TLE4: variants seen among roughly 807,000 people sequenced by gnomAD.
TLE4 encodes transducin-like enhancer protein 4.
A neutral mutation model predicts 92.8 loss-of-function variants in TLE4; 8 were observed. That is an observed-to-expected ratio of 0.09 (90% CI 0.05 to 0.16). The LOEUF (loss-of-function observed/expected upper bound fraction) is 0.16, where lower values mean the gene tolerates loss of function less well. Ranked by LOEUF, TLE4 falls within the 10% of genes least tolerant of loss-of-function variation. TLE4 has a pLI of 1.00. For missense variants in TLE4, 675 were observed against 997.6 expected (o/e 0.68, Z 4.36); for synonymous variants, 371 against 374.1 (o/e 0.99, Z 0.10).
intron 4 of TLE4, among the ~76,000 whole-genome samples, chr9:79,595,372 T>C (rs2043689893): frequency 6.6e-6 from 1 of 152,232 alleles, no homozygotes; most frequent in Non-Finnish European, 1.5e-5. Context: ...TACTTGTTAC[T>C]TGTGCAAAAA....
chr9:79,646,747 T>G (rs1448047165), intron 6 of TLE4, among the ~76,000 whole-genome samples: 1 of 152,160 alleles, frequency 6.6e-6, no homozygotes, highest in Non-Finnish European at 1.5e-5. Context: ...ACTGTAATAT[T>G]TTAATATCTC....
In TLE4 at chr9:79,572,290, C is replaced by T. The variant is rs903088760; in HGVS notation, c.-501C>T. ...AAACCAAAAAGCACCGCCGAGACCTCTTCCGAACCAAAGGAGTTTGTGTTT... is the reference window on the plus strand; with the variant it reads ...AAACCAAAAAGCACCGCCGAGACCTTTTCCGAACCAAAGGAGTTTGTGTTT... On this transcript the variant is annotated 5_prime_UTR_variant, in exon 1 of 20. Coordinates refer to ENST00000376552, the MANE Select transcript of TLE4 (RefSeq NM_007005.6). 6.6e-6 allele frequency: 1 copy of T among 152,316 alleles called. No individual in the cohort carries two copies. Among genetic ancestry groups the T allele is most frequent in the African/African-American group, 2.4e-5 (1 of 41,578 alleles). 9.4% of individuals were successfully genotyped at this position (152,316 alleles called of 1,614,324 possible).
chr9:79,610,835 C>A (rs76032197), intron 4 of TLE4, among the ~76,000 whole-genome samples: 1,689 of 152,034 alleles, frequency 0.011, 39 homozygotes, highest in African/African-American at 0.038. Flanking sequence ...TCCTTAGAGT[C>A]GTTTTTATTG....
At chr9:79,715,328 C>T (rs764285700) in intron 14 of TLE4, among the ~76,000 whole-genome samples, 1 of 152,146 alleles carries the variant, frequency 6.6e-6, no homozygotes, top group African/African-American at 2.4e-5. Context: ...GTCTTCATGA[C>T]CTCCTAATTG....
At chr9:79,694,073 C>T (rs56656531) in intron 8 of TLE4, among the ~76,000 whole-genome samples, 15,957 of 152,152 alleles carry the variant, frequency 0.1, 935 homozygotes, top group African/African-American at 0.14. Flanking sequence ...ACAGTGCCAC[C>T]AGCAAGACAG....
chr9:79,573,632 G>C (rs1233350502), intron 1 of TLE4, 57 bp from the exon 2 acceptor site: 2 of 1,419,870 alleles, frequency 1.4e-6, no homozygotes, highest in East Asian at 4.9e-5. Flanking sequence ...GGTTTTCTCC[G>C]TCTCCCTGCT....
intron 8 of TLE4, among the ~76,000 whole-genome samples, chr9:79,696,625 C>G (rs1160573949): frequency 6.6e-6 from 1 of 151,882 alleles, no homozygotes; most frequent in Non-Finnish European, 1.5e-5. Flanking sequence ...AAAGTTTAGC[C>G]TTTCAAATAG....
intron 6 of TLE4, among the ~76,000 whole-genome samples, chr9:79,650,793 A>C (rs963058422): frequency 6.6e-6 from 1 of 152,022 alleles, no homozygotes; most frequent in African/African-American, 2.4e-5. Context: ...TGCTTTTCAA[A>C]GTGTTCATAC....
chr9:79,572,667 ACCG>A lies in TLE4; in HGVS notation c.-121_-119del. 2.3e-6 allele frequency: 2 copies of A among 858,320 alleles called. No individual in the cohort carries two copies. The highest frequency in any genetic ancestry group is 3.5e-6 in the Non-Finnish European group (2 of 577,830). The allele number at this position is 858,320 out of a possible 1,614,324, so 53.2% of individuals were successfully genotyped here. ...CACGCGAGACCCGGCGGGGGCCGGG[ACCG>A]CCCGAGCCGCCCCTCAGACCGAGCC... On this transcript the variant is annotated 5_prime_UTR_variant, in exon 1 of 20. Coordinates refer to ENST00000376552, the MANE Select transcript of TLE4 (RefSeq NM_007005.6).
chr9:79,604,855 A>G (rs1292923614), intron 4 of TLE4, among the ~76,000 whole-genome samples: 1 of 152,192 alleles, frequency 6.6e-6, no homozygotes, highest in Non-Finnish European at 1.5e-5. Flanking sequence ...GTTGGGAAAA[A>G]TCAAGATGAA....
intron 4 of TLE4, among the ~76,000 whole-genome samples, chr9:79,597,657 A>G (rs2044362743): frequency 6.6e-6 from 1 of 152,104 alleles, no homozygotes; most frequent in South Asian, 2.1e-4. Flanking sequence ...CCAGAAACCC[A>G]TAGAGGCAGC....
In TLE4 at chr9:79,585,757, A is replaced by G. The variant is rs142606646; in HGVS notation, c.252+9580A>G. On this transcript the variant is annotated intron_variant, in intron 4 of 19. Coordinates refer to ENST00000376552, the MANE Select transcript of TLE4 (RefSeq NM_007005.6). ...CCAATGTGCCTAGGAGTAGAAATGTATATTTATATACTATTAATACTTTAT... is the reference window on the plus strand; with the variant it reads ...CCAATGTGCCTAGGAGTAGAAATGTGTATTTATATACTATTAATACTTTAT... Among the ~76,000 whole-genome samples, 530 of 152,148 alleles carry G rather than the reference A, an allele frequency of 3.5e-3. 5 individuals carry two copies. Among genetic ancestry groups the G allele is most frequent in the African/African-American group, 0.012 (488 of 41,492 alleles).
chr9:79,619,487 C>T (rs1331219811), intron 5 of TLE4, among the ~76,000 whole-genome samples: 16 of 152,314 alleles, frequency 1.1e-4, no homozygotes, highest in Admixed American at 2.0e-4. Context: ...GAAGTGTTAT[C>T]GCCTTACAGT....
intron 4 of TLE4, among the ~76,000 whole-genome samples, chr9:79,599,579 A>G (rs147933848): frequency 3.3e-5 from 5 of 152,306 alleles, no homozygotes; most frequent in African/African-American, 1.2e-4. Context: ...TTGAGTAGTA[A>G]TTGCTTTTAA....
At chr9:79,657,925 C>A (rs1019463208) in intron 8 of TLE4, among the ~76,000 whole-genome samples, 14 of 152,176 alleles carry the variant, frequency 9.2e-5, no homozygotes. Context: ...CCTGGTTCTC[C>A]TGTGTTTTAT....
intron 14 of TLE4, among the ~76,000 whole-genome samples, chr9:79,716,980 CCTTT>C (rs1205914824): frequency 1.3e-5 from 2 of 152,168 alleles, no homozygotes; most frequent in African/African-American, 2.4e-5. Context: ...ATCTTCTCCC[CCTTT>C]CTATTTTATT....
intron 8 of TLE4, among the ~76,000 whole-genome samples, chr9:79,678,707 G>A (rs2063779897): frequency 6.6e-6 from 1 of 151,664 alleles, no homozygotes; most frequent in Admixed American, 6.6e-5. Context: ...GTGCCTGTTG[G>A]TGTACTGCAT....
chr9:79,719,382 T>C (rs2075189991), intron 15 of TLE4, among the ~76,000 whole-genome samples: 1 of 151,334 alleles, frequency 6.6e-6, no homozygotes, highest in African/African-American at 2.4e-5. Flanking sequence ...TTCCCTTGAG[T>C]TCCTTAGGAA....
intron 8 of TLE4, among the ~76,000 whole-genome samples, chr9:79,677,797 T>C (rs1564840571): frequency 6.6e-6 from 1 of 152,078 alleles, no homozygotes; most frequent in Non-Finnish European, 1.5e-5. Context: ...TTCACATCTA[T>C]AAAAATGTGG....
Sources: gnomAD v4.1 joint callset for allele counts (sites outside exome capture counted in the v4.1 genomes callset) on GRCh38, gnomAD v4.1.1 for gene constraint, MANE v1.5 for transcripts, NCBI Gene and HGNC (gene_info 2026-07-23, HGNC 2026-07-21) for gene names.